AUTS2: variants seen among roughly 807,000 people sequenced by gnomAD.
The protein encoded by AUTS2 is activator of transcription and developmental regulator AUTS2.
Under a neutral mutation model 112.4 loss-of-function variants are expected in AUTS2, and 17 were observed. The observed-to-expected ratio is 0.15, with a 90% CI of 0.10 to 0.23. The LOEUF is 0.23. Among genes scored for constraint, AUTS2 ranks in the 10% least tolerant of loss-of-function variants. The pLI is 1.00. For missense variants in AUTS2, 1,510 were observed against 1,701.6 expected, an observed-to-expected ratio of 0.89 and a Z score of 1.98; for synonymous variants, 751 against 702.7, an observed-to-expected ratio of 1.07 and a Z score of -1.09.
intron 4 of AUTS2, among the ~76,000 whole-genome samples, chr7:70,298,546 T>C (rs1394849405): frequency 6.6e-6 from 1 of 152,202 alleles, no homozygotes; most frequent in Non-Finnish European, 1.5e-5. Context: ...AGGTTATGCA[T>C]TGTTGCAGTG....
At chr7:69,865,311 A>C (rs565935849) in intron 1 of AUTS2, among the ~76,000 whole-genome samples, 1 of 152,064 alleles carries the variant, frequency 6.6e-6, no homozygotes, top group East Asian at 1.9e-4. Flanking sequence ...CTTATGGTTA[A>C]AGTGTTTATT....
chr7:70,781,443 T>C, intron 14 of AUTS2, 172 bp from the exon 15 acceptor site: 2 of 666,472 alleles, frequency 3.0e-6, no homozygotes, highest in Non-Finnish European at 2.4e-6. Flanking sequence ...ACTACCGGCC[T>C]GCAGATCTGA....
intron 2 of AUTS2, among the ~76,000 whole-genome samples, chr7:69,902,413 C>A (rs1253642679): frequency 2.0e-5 from 3 of 152,118 alleles, no homozygotes. Context: ...TGAGAGTGAG[C>A]TTTGAGGAGC....
chr7:70,141,074 G>A (rs1806836233), intron 4 of AUTS2, among the ~76,000 whole-genome samples: 2 of 152,208 alleles, frequency 1.3e-5, no homozygotes, highest in African/African-American at 4.8e-5. Context: ...GGCTTAAATT[G>A]TGCAGAGCTT....
intron 5 of AUTS2, among the ~76,000 whole-genome samples, chr7:70,623,990 G>A (rs943239536): frequency 1.1e-4 from 17 of 152,186 alleles, no homozygotes; most frequent in East Asian, 3.9e-4. Context: ...TCTGGTAATC[G>A]TCGCTGTCTC....
intron 4 of AUTS2, among the ~76,000 whole-genome samples, chr7:70,430,260 G>C (rs145206180): frequency 6.6e-6 from 1 of 152,158 alleles, no homozygotes; most frequent in South Asian, 2.1e-4. Flanking sequence ...TGGGAGAGGG[G>C]CAGTTTCAGG....
chr7:70,177,839 T>G (rs1414302958), intron 4 of AUTS2, among the ~76,000 whole-genome samples: 1 of 152,202 alleles, frequency 6.6e-6, no homozygotes, highest in Non-Finnish European at 1.5e-5. Context: ...TTTTTTCAAA[T>G]CATTGCTAAT....
At chr7:70,083,979 C>T (rs1278702735) in intron 2 of AUTS2, among the ~76,000 whole-genome samples, 1 of 151,786 alleles carries the variant, frequency 6.6e-6, no homozygotes, top group Non-Finnish European at 1.5e-5. Flanking sequence ...CCATCACCCC[C>T]AAAAGTTTCC....
intron 4 of AUTS2, among the ~76,000 whole-genome samples, chr7:70,396,883 G>A (rs189299750): frequency 6.6e-6 from 1 of 152,200 alleles, no homozygotes; most frequent in East Asian, 1.9e-4. Flanking sequence ...GAATCTTAAG[G>A]AAGTATCTAG....
chr7:70,679,601 T>TA (rs5884794), intron 5 of AUTS2, among the ~76,000 whole-genome samples: 48,528 of 145,744 alleles, frequency 0.33, 8,612 homozygotes, highest in East Asian at 0.64. Flanking sequence ...ACTTTCATGT[T>TA]AAAAAAAAAA....
chr7:69,637,864 T>G (rs1358557363), intron 1 of AUTS2, among the ~76,000 whole-genome samples: 1 of 152,334 alleles, frequency 6.6e-6, no homozygotes, highest in East Asian at 1.9e-4. Flanking sequence ...ACATTTGTTA[T>G]GCTGCTCATG....
At chr7:70,214,994 T>C (rs1048272656) in intron 4 of AUTS2, among the ~76,000 whole-genome samples, 1 of 152,216 alleles carries the variant, frequency 6.6e-6, no homozygotes, top group South Asian at 2.1e-4. Context: ...TTTTAAAAGA[T>C]AGATACTAAG....
chr7:70,476,366 G>T (rs1284930308), intron 5 of AUTS2, among the ~76,000 whole-genome samples: 1 of 152,006 alleles, frequency 6.6e-6, no homozygotes, highest in Non-Finnish European at 1.5e-5. Flanking sequence ...TTACCCTTGT[G>T]CCCTGCCCAC....
chr7:70,210,790 G>A (rs1810840172), intron 4 of AUTS2, among the ~76,000 whole-genome samples: 1 of 152,148 alleles, frequency 6.6e-6, no homozygotes, highest in Admixed American at 6.5e-5. Context: ...TTCTGGTTGG[G>A]CTCCTTGAGA....
At chr7:70,123,071 T>A (rs1388319397) in intron 3 of AUTS2, among the ~76,000 whole-genome samples, 2 of 151,938 alleles carry the variant, frequency 1.3e-5, no homozygotes, top group Admixed American at 1.3e-4. Flanking sequence ...GAGATGGGCT[T>A]CACCATGTTG....
chr7:69,985,335 G>C (rs1798465552), intron 2 of AUTS2, among the ~76,000 whole-genome samples: 1 of 151,848 alleles, frequency 6.6e-6, no homozygotes, highest in Non-Finnish European at 1.5e-5. Context: ...TCCATCACTT[G>C]GCTGCCTTCA....
At chr7:69,615,483 A>G (rs1177282874) in intron 1 of AUTS2, among the ~76,000 whole-genome samples, 1 of 151,838 alleles carries the variant, frequency 6.6e-6, no homozygotes, top group African/African-American at 2.4e-5. Context: ...TTGTATTTTT[A>G]GTAGAGACAG....
chr7:70,785,554 CA>C (rs1357633887), intron 16 of AUTS2: 1 of 462,242 alleles, frequency 2.2e-6, no homozygotes, highest in Non-Finnish European at 4.3e-6. Flanking sequence ...TGCACAACAT[CA>C]GGGCATATCA....
chr7:69,824,737 A>T (rs867303270), intron 1 of AUTS2: 1 of 152,142 alleles, frequency 6.6e-6, no homozygotes, highest in African/African-American at 2.4e-5. Context: ...GGCATTTGGC[A>T]CTTTCATTGG....
Sources: allele counts gnomAD v4.1 joint callset (sites outside exome capture counted in the v4.1 genomes callset), GRCh38; gene constraint gnomAD v4.1.1; transcripts MANE v1.5; gene names NCBI Gene and HGNC (gene_info 2026-07-23, HGNC 2026-07-21).